Variants in AKAP8L observed in about 807,000 individuals in gnomAD.
The protein encoded by AKAP8L is A-kinase anchor protein 8-like.
A neutral mutation model predicts 77.5 loss-of-function variants in AKAP8L; 34 were observed. The ratio of observed to expected loss-of-function variants is 0.44; its 90% CI spans 0.33 to 0.58. The LOEUF is 0.58. Ranked by LOEUF, AKAP8L falls within the 20% of genes least tolerant of loss-of-function variation. AKAP8L has a pLI of 0.02. For synonymous variants in AKAP8L, 342 were observed against 340.7 expected (o/e 1.00, Z -0.04); for missense variants, 806 against 887.6 (o/e 0.91, Z 1.17).
At chr19:15,390,113 A>AT (rs1967630112) in intron 12 of AKAP8L, among the ~76,000 whole-genome samples, 1 of 151,826 alleles carries the variant, frequency 6.6e-6, no homozygotes, top group Admixed American at 6.6e-5. Context: ...ATTAATAATA[A>AT]TAAAAAAAAA....
In AKAP8L at chr19:15,380,426, T is replaced by G. The variant is rs1230243560; in HGVS notation, c.1637A>C (p.Glu546Ala). The G allele has an allele frequency of 6.2e-7, 1 of 1,605,392 alleles. No individual in the cohort carries two copies. The highest frequency in any genetic ancestry group is 1.7e-5 in the Admixed American group (1 of 58,774). Residue 546 changes from glutamate to alanine, a missense_variant, in exon 14 of 14, where the codon GAG (glutamate) becomes GCG (alanine). Glu to Ala is a moderately radical substitution (Grantham distance 107). This residue lies in a region of AKAP8L where 226 missense variants were observed against 193.5 expected (regional missense o/e 1.17). Transcript: ENST00000397410. Reference protein sequence around the residue: ...SKKLERYLKGENPFTDSPEEE... With the variant: ...SKKLERYLKGANPFTDSPEEE... ...CTCGGGGCTGTCGGTGAAAGGGTTC[T>G]CGCCCTGTGGGGAGGGGCGCGGACA...
Position 15,400,962 on chromosome 19 carries a change from T to C in AKAP8L, c.898A>G (p.Ser300Gly). Reference sequence around the variant, plus strand: ...GTGGGCTCACCATTGTCTGAGTCGCTGTTGTCCGAGCAGTCCGTGCGGGTG... The same window carrying C: ...GTGGGCTCACCATTGTCTGAGTCGCCGTTGTCCGAGCAGTCCGTGCGGGTG... ...KATRTDCSDN[S>G]DSDNDEGTEG... is the part of the protein sequence containing the mutation. The change falls in exon 6 of 14, where the codon AGC (serine) becomes GGC (glycine). Residue 300 changes from serine (S) to glycine (G), a missense_variant. Ser to Gly is a moderately conservative substitution (Grantham distance 56, BLOSUM62 0). Around this residue, in one of 2 missense-constraint regions of AKAP8L, gnomAD observed 580 missense variants for 694.1 expected, o/e 0.84. Transcript: ENST00000397410. 1 of 1,613,972 alleles carries C rather than the reference T, an allele frequency of 6.2e-7. No homozygotes were observed. Among genetic ancestry groups the C allele is most frequent in the Non-Finnish European group, 8.5e-7 (1 of 1,179,874 alleles).
chr19:15,391,329 G>A (rs1967653899), intron 12 of AKAP8L, among the ~76,000 whole-genome samples: 1 of 150,410 alleles, frequency 6.6e-6, no homozygotes, highest in Admixed American at 6.6e-5. Flanking sequence ...GTGGTGGCGG[G>A]CACCTGTAGT....
chr19:15,393,017 G>C (rs1441734682), intron 12 of AKAP8L, among the ~76,000 whole-genome samples: 1 of 151,698 alleles, frequency 6.6e-6, no homozygotes, highest in East Asian at 1.9e-4. Flanking sequence ...CATATTCATG[G>C]ATTAGAAGAC....
intron 1 of AKAP8L, among the ~76,000 whole-genome samples, chr19:15,418,222 C>T (rs1295059238): frequency 1.3e-5 from 2 of 152,232 alleles, no homozygotes; most frequent in Admixed American, 1.3e-4. Context: ...AAGATCCTCG[C>T]CTCTAAGCTG....
intron 12 of AKAP8L, among the ~76,000 whole-genome samples, chr19:15,395,688 A>G (rs995300288): frequency 8.0e-5 from 12 of 150,930 alleles, no homozygotes; most frequent in Admixed American, 6.6e-5. Context: ...TTCCTAGCAT[A>G]AGAATCTGTT....
chr19:15,386,635 A>G (rs1345090116), intron 12 of AKAP8L, among the ~76,000 whole-genome samples: 1 of 152,168 alleles, frequency 6.6e-6, no homozygotes, highest in Non-Finnish European at 1.5e-5. Flanking sequence ...GGGGTATGAT[A>G]TCTTCCCAGG....
intron 8 of AKAP8L, 136 bp downstream of exon 8, chr19:15,400,159 C>A (rs1449221357): frequency 5.9e-6 from 5 of 853,372 alleles, no homozygotes; most frequent in African/African-American, 1.7e-5. Context: ...AAGCCCCCTG[C>A]CAGCACACAC....
At chr19:15,384,302 GTT>G (rs35204682) in intron 12 of AKAP8L, among the ~76,000 whole-genome samples, 1 of 137,998 alleles carries the variant, frequency 7.2e-6, no homozygotes. Context: ...TTCCCTCCCT[GTT>G]TTTTTTTTTT....
rs1321036293 is a variant in AKAP8L at position 15,397,376 on chromosome 19, C to T, written c.1406-96G>A. ...ACCACACCAGCTCCTCCTCAACTCG[C>T]CCTGCCACTTCCACCTGGGCCTGAG... On this transcript the variant is annotated intron_variant, in intron 11 of 13. Transcript: ENST00000397410. This position sits in a 1 kb window ranked among gnomAD's most constrained non-coding sequence, Gnocchi z 4.7. The T allele has an allele frequency of 2.0e-6, 3 of 1,529,786 alleles. No homozygotes were observed. Among genetic ancestry groups the T allele is most frequent in the Non-Finnish European group, 1.8e-6 (2 of 1,122,132 alleles). 94.8% of individuals were successfully genotyped at this position (1,529,786 alleles called of 1,614,324 possible). A position where few individuals can be genotyped will look rare whatever the true frequency, so the allele number is the denominator to read the frequency against.
rs1315022712 is a variant in AKAP8L at position 15,397,754 on chromosome 19, A to G, written c.1259T>C (p.Val420Ala). The change falls in exon 10 of 14, where the codon GTA becomes GCA. Residue 420 changes from valine (V) to alanine (A), a missense_variant. Val to Ala is a moderately conservative substitution (Grantham distance 64). This residue lies in a region of AKAP8L where 580 missense variants were observed against 694.1 expected (regional missense o/e 0.84). Coordinates refer to ENST00000397410, the MANE Select transcript of AKAP8L (RefSeq NM_014371.4). This position sits in a 1 kb window ranked among gnomAD's most constrained non-coding sequence, Gnocchi z 4.7. ...SKFHKEHFKYVGTKLPKQTAD... is the reference protein window; with the variant it reads ...SKFHKEHFKYAGTKLPKQTAD... Reference sequence around the variant, plus strand: ...CGTCTGCTTAGGGAGCTTGGTGCCTACGTACTTAAAGTGTTCCTTGTGGAA... The same window carrying G: ...CGTCTGCTTAGGGAGCTTGGTGCCTGCGTACTTAAAGTGTTCCTTGTGGAA... 1.2e-6 allele frequency: 2 copies of G among 1,613,996 alleles called. No individual in the cohort carries two copies. The highest frequency in any genetic ancestry group is 1.1e-5 in the South Asian group (1 of 91,084).
chr19:15,418,244 C>A (rs538416173), intron 1 of AKAP8L, among the ~76,000 whole-genome samples: 21 of 152,310 alleles, frequency 1.4e-4, no homozygotes, highest in Admixed American at 1.3e-3. Flanking sequence ...TTGAGGAATT[C>A]TTGTCTGTAT....
At chr19:15,417,254 T>A (rs1016632130) in intron 1 of AKAP8L, among the ~76,000 whole-genome samples, 3 of 152,194 alleles carry the variant, frequency 2.0e-5, no homozygotes, top group Non-Finnish European at 2.9e-5. Context: ...TTAAAAACCA[T>A]GAAACTGTCT....
At chr19:15,400,171 C>G in intron 8 of AKAP8L, 124 bp downstream of exon 8, 1 of 958,294 alleles carries the variant, frequency 1.0e-6, no homozygotes, top group East Asian at 2.4e-5. Context: ...AGCACACACT[C>G]GGGCCCACAA....
In AKAP8L at chr19:15,403,895, C is replaced by A; in HGVS notation, c.121+115G>T. On this transcript the variant is annotated intron_variant, in intron 3 of 13. Transcript: ENST00000397410. This position sits in a 1 kb window ranked among gnomAD's most constrained non-coding sequence, Gnocchi z 4.3. The stretch of plus-strand genomic sequence containing the variant: ...GGGCCTCCTGTTAAGGAGTAGGTAA[C>A]CCCAGAAACATGCCCCCTCCCCACT... 3 of 1,298,140 alleles carry A rather than the reference C, an allele frequency of 2.3e-6. No homozygotes were observed. The highest frequency in any genetic ancestry group is 2.2e-6 in the Non-Finnish European group (2 of 914,462). The allele number at this position is 1,298,140 out of a possible 1,614,324, so 80.4% of individuals were successfully genotyped here. A position where few individuals can be genotyped will look rare whatever the true frequency, so the allele number is the denominator to read the frequency against.
intron 12 of AKAP8L, among the ~76,000 whole-genome samples, chr19:15,394,933 A>G (rs1039840022): frequency 6.8e-6 from 1 of 148,054 alleles, no homozygotes; most frequent in Non-Finnish European, 1.5e-5. Context: ...AAACCTCTCT[A>G]CGGTTACCAG....
chr19:15,408,016 G>A (rs991826091), intron 2 of AKAP8L, among the ~76,000 whole-genome samples: 2 of 152,220 alleles, frequency 1.3e-5, no homozygotes, highest in African/African-American at 2.4e-5. Context: ...ATTGCTGGGC[G>A]AGGCGCAGTG....
Position 15,400,970 on chromosome 19 carries a change from G to C in AKAP8L, c.890C>G (p.Ser297Trp), listed in dbSNP as rs556299742. Residue 297 changes from serine (S) to tryptophan (W), a missense_variant, in exon 6 of 14, where the codon TCG becomes TGG. By Grantham distance (177) the Ser-to-Trp change is radical (BLOSUM62 -3). Transcript: ENST00000397410. ...ACCATTGTCTGAGTCGCTGTTGTCCGAGCAGTCCGTGCGGGTGGCTTTGCT... is the reference window on the plus strand; with the variant it reads ...ACCATTGTCTGAGTCGCTGTTGTCCCAGCAGTCCGTGCGGGTGGCTTTGCT... ...PDSKATRTDC[S>W]DNSDSDNDEG... The C allele has an allele frequency of 6.2e-7, 1 of 1,613,954 alleles. No individual in the cohort carries two copies. The highest frequency in any genetic ancestry group is 1.6e-4 in the Middle Eastern group (1 of 6,062).
rs572333875 is a variant in AKAP8L, at chr19:15,401,437, C to G, written c.529G>C (p.Gly177Arg). ...CGGGCCCAGCCCTGTGCCCTGGGAC[C>G]GAAGGTGTCGTTGCCACGCATGCGG... ...QFRMRGNDTF[G>R]PRAQGWARDA... Residue 177 changes from glycine to arginine, a missense_variant, in exon 5 of 14, where the codon GGT becomes CGT. Gly to Arg is a moderately radical substitution (Grantham distance 125). Transcript: ENST00000397410. The surrounding 1 kb of genome is among the most constrained non-coding windows in gnomAD (Gnocchi z 6.2). 6.2e-7 allele frequency: 1 copy of G among 1,613,498 alleles called. No individual in the cohort carries two copies. The highest frequency in any genetic ancestry group is 1.7e-5 in the Admixed American group (1 of 60,006).
Sources: gnomAD v4.1 joint callset for allele counts (sites outside exome capture counted in the v4.1 genomes callset) on GRCh38, gnomAD v4.1.1 for gene constraint, gnomAD v4.1.1 regional missense constraint, Gnocchi (gnomAD v3.1) non-coding constraint, MANE v1.5 for transcripts, NCBI Gene and HGNC (gene_info 2026-07-23, HGNC 2026-07-21) for gene names.